Variants in SLC24A3 observed in about 807,000 individuals in gnomAD.
SLC24A3 encodes sodium/potassium/calcium exchanger 3.
In SLC24A3, 28 loss-of-function variants were observed where a neutral mutation model predicts 75.8. The observed-to-expected ratio is 0.37, with a 90% CI of 0.27 to 0.51. SLC24A3 has a LOEUF of 0.51. Ranked by LOEUF, SLC24A3 falls within the 20% of genes least tolerant of loss-of-function variation. The probability of loss-of-function intolerance (pLI) is 0.94; values close to 1 mark genes in which losing one functional copy is unlikely to be tolerated. For synonymous variants in SLC24A3, 372 were observed against 334.1 expected, an observed-to-expected ratio of 1.11 and a Z score of -1.24; for missense variants, 663 against 847.8, an observed-to-expected ratio of 0.78 and a Z score of 2.71.
chr20:19,609,587 C>T (rs569266818), intron 6 of SLC24A3, among the ~76,000 whole-genome samples: 51 of 152,078 alleles, frequency 3.4e-4, no homozygotes, highest in African/African-American at 1.2e-3. Flanking sequence ...CTCCAACAGG[C>T]CCCGGTGTGT....
intron 2 of SLC24A3, among the ~76,000 whole-genome samples, chr20:19,326,325 G>A (rs1984861382): frequency 1.3e-5 from 2 of 152,074 alleles, no homozygotes; most frequent in South Asian, 4.2e-4. Context: ...AGGAGGACAG[G>A]GACGAGCTGT....
At chr20:19,562,101 G>A (rs753844706) in intron 3 of SLC24A3, among the ~76,000 whole-genome samples, 1 of 152,208 alleles carries the variant, frequency 6.6e-6, no homozygotes, top group African/African-American at 2.4e-5. Flanking sequence ...TGATCTCCTG[G>A]ATTCCCATTT....
At chr20:19,320,943 A>G (rs1027784408) in intron 2 of SLC24A3, among the ~76,000 whole-genome samples, 4 of 152,140 alleles carry the variant, frequency 2.6e-5, no homozygotes, top group Admixed American at 6.5e-5. Context: ...ATGTGTGTAC[A>G]TGTACACACA....
At chr20:19,670,747 G>A (rs1416738865) in intron 8 of SLC24A3, among the ~76,000 whole-genome samples, 2 of 152,134 alleles carry the variant, frequency 1.3e-5, no homozygotes, top group South Asian at 2.1e-4. Flanking sequence ...CATTGGTGTC[G>A]ATGAGATAAG....
At chr20:19,414,462 G>C (rs975169729) in intron 2 of SLC24A3, among the ~76,000 whole-genome samples, 3 of 152,172 alleles carry the variant, frequency 2.0e-5, no homozygotes, top group African/African-American at 7.2e-5. Flanking sequence ...ACGGAATATA[G>C]AGCTGTTAAA....
intron 3 of SLC24A3, among the ~76,000 whole-genome samples, chr20:19,518,055 G>A (rs1243800058): frequency 1.3e-5 from 2 of 152,172 alleles, no homozygotes; most frequent in Non-Finnish European, 2.9e-5. Context: ...TTTTGTTCAG[G>A]GCAGGAGTAA....
At chr20:19,299,754 G>T (rs2122244483) in intron 2 of SLC24A3, among the ~76,000 whole-genome samples, 1 of 152,316 alleles carries the variant, frequency 6.6e-6, no homozygotes, top group Admixed American at 6.5e-5. Flanking sequence ...GCTTTGACCT[G>T]TGTGTTATTT....
At chr20:19,337,170 C>G (rs957816979) in intron 2 of SLC24A3, among the ~76,000 whole-genome samples, 1 of 152,210 alleles carries the variant, frequency 6.6e-6, no homozygotes, top group Non-Finnish European at 1.5e-5. Context: ...ATCGGCCGAG[C>G]GCAGTGGCTC....
rs115373373 is a variant in SLC24A3, at chr20:19,353,577, A to G, written c.271+72490A>G. Among the ~76,000 whole-genome samples, 938 of 152,342 alleles carry G rather than the reference A, an allele frequency of 6.2e-3. 7 individuals are homozygous for G. Among genetic ancestry groups the G allele is most frequent in the African/African-American group, 0.021 (886 of 41,582 alleles). On this transcript the variant is annotated intron_variant, in intron 2 of 16. Transcript: ENST00000328041. ...CTAGAGATGCAAGAACTATTAAGAC[A>G]TGATCCTTGTGCATAAAGAGCTTGC... is the stretch of plus-strand genomic sequence containing the variant.
At chr20:19,375,750 A>G (rs563326733) in intron 2 of SLC24A3, among the ~76,000 whole-genome samples, 13 of 126,084 alleles carry the variant, frequency 1.0e-4, no homozygotes, top group Admixed American at 3.0e-4. Context: ...CCTCTGGCCA[A>G]TGGCTGAGGT....
intron 1 of SLC24A3, among the ~76,000 whole-genome samples, chr20:19,267,072 A>G (rs1253736558): frequency 1.3e-5 from 2 of 152,222 alleles, no homozygotes; most frequent in Non-Finnish European, 2.9e-5. Context: ...CCATTTAAAA[A>G]TAATAATTAT....
At chr20:19,701,362 A>AG (rs1289245163) in intron 15 of SLC24A3, among the ~76,000 whole-genome samples, 3 of 151,810 alleles carry the variant, frequency 2.0e-5, no homozygotes, top group East Asian at 3.9e-4. Flanking sequence ...TTTATTAAAA[A>AG]AAAACATTAA....
At chr20:19,515,859 C>G (rs1453023328) in intron 3 of SLC24A3, among the ~76,000 whole-genome samples, 1 of 152,252 alleles carries the variant, frequency 6.6e-6, no homozygotes, top group Non-Finnish European at 1.5e-5. Context: ...TGCTCAAACA[C>G]CACCCTCTTG....
chr20:19,217,422 C>A (rs1161542377), intron 1 of SLC24A3, among the ~76,000 whole-genome samples: 1 of 152,158 alleles, frequency 6.6e-6, no homozygotes, highest in African/African-American at 2.4e-5. Context: ...TGCATACATA[C>A]AAACATATAT....
chr20:19,320,473 G>A (rs1237527071), intron 2 of SLC24A3, among the ~76,000 whole-genome samples: 1 of 152,010 alleles, frequency 6.6e-6, no homozygotes, highest in Non-Finnish European at 1.5e-5. Context: ...CTTGGAGTGT[G>A]CTGACCTCAT....
At chr20:19,337,470 AAATTAATT>A (rs370939740) in intron 2 of SLC24A3, among the ~76,000 whole-genome samples, 6,212 of 86,846 alleles carry the variant, frequency 0.072, 156 homozygotes, top group Middle Eastern at 0.18. Flanking sequence ...ATAAATAAAT[AAATTAATT>A]AATTAATTAA....
intron 1 of SLC24A3, among the ~76,000 whole-genome samples, chr20:19,230,501 C>T (rs774834318): frequency 6.6e-6 from 1 of 152,172 alleles, no homozygotes; most frequent in South Asian, 2.1e-4. Flanking sequence ...CTCTTTCCAT[C>T]GCACCTCTTT....
At chr20:19,214,449 C>T (rs573465080) in intron 1 of SLC24A3, among the ~76,000 whole-genome samples, 1 of 152,224 alleles carries the variant, frequency 6.6e-6, no homozygotes, top group African/African-American at 2.4e-5. Flanking sequence ...TATTTTTCTC[C>T]AGTGAAAAAC....
intron 2 of SLC24A3, among the ~76,000 whole-genome samples, chr20:19,468,006 A>G (rs1441452099): frequency 6.6e-6 from 1 of 152,164 alleles, no homozygotes; most frequent in African/African-American, 2.4e-5. Context: ...CATAGGAAAG[A>G]GTGGTCACCA....
Sources: allele counts gnomAD v4.1 joint callset (sites outside exome capture counted in the v4.1 genomes callset), GRCh38; gene constraint gnomAD v4.1.1; transcripts MANE v1.5; gene names NCBI Gene and HGNC (gene_info 2026-07-23, HGNC 2026-07-21).